Variants in SCP2 observed in about 807,000 individuals in gnomAD.
The protein encoded by SCP2 is SCP-2/3-oxoacyl-CoA thiolase.
In SCP2, 48 loss-of-function variants were observed where a neutral mutation model predicts 71.4. The observed-to-expected ratio is 0.67, with a 90% CI of 0.53 to 0.86. The LOEUF (loss-of-function observed/expected upper bound fraction) is 0.86. Ranked by LOEUF, SCP2 falls within the 40% of genes least tolerant of loss-of-function variation. SCP2 has a pLI of 0.00. For missense variants in SCP2, 560 were observed against 655.6 expected (o/e 0.85, Z 1.59); for synonymous variants, 220 against 218.1 (o/e 1.01, Z -0.08).
intron 11 of SCP2, among the ~76,000 whole-genome samples, chr1:53,013,974 C>A (rs1488188155): frequency 7.1e-5 from 10 of 141,626 alleles, no homozygotes; most frequent in Admixed American, 1.6e-4. Flanking sequence ...CAGCTCACTG[C>A]AAGCTCTGCC....
intron 11 of SCP2, among the ~76,000 whole-genome samples, chr1:53,010,542 A>G (rs1660920617): frequency 6.6e-6 from 1 of 151,982 alleles, no homozygotes. Flanking sequence ...AAAACCAAAC[A>G]CCACATGTTC....
chr1:52,951,030 T>G, intron 4 of SCP2, 144 bp downstream of exon 4: 1 of 927,276 alleles, frequency 1.1e-6, no homozygotes, highest in Admixed American at 1.8e-5. Flanking sequence ...CTTGTAACCC[T>G]AGCACTTTGG....
At chr1:53,049,580 T>C (rs1205841091) in intron 15 of SCP2, 1 of 152,230 alleles carries the variant, frequency 6.6e-6, no homozygotes, top group Non-Finnish European at 1.5e-5. Context: ...AGTGATTTTC[T>C]TTGTTAACTT....
intron 12 of SCP2, among the ~76,000 whole-genome samples, chr1:53,020,762 C>CT (rs1661660060): frequency 6.6e-6 from 1 of 152,144 alleles, no homozygotes. Context: ...TATGAGGTTT[C>CT]TTTGTTTGTC....
intron 1 of SCP2, among the ~76,000 whole-genome samples, chr1:52,939,470 C>T (rs1054316997): frequency 7.9e-5 from 12 of 152,102 alleles, no homozygotes; most frequent in Admixed American, 2.0e-4. Context: ...TGCTTGAGCC[C>T]GGGAAGTTGA....
rs1188555264 is a variant in SCP2, at chr1:53,051,244, C to T, written c.*540C>T. 1 of 152,008 alleles carries T rather than the reference C, an allele frequency of 6.6e-6. No individual in the cohort carries two copies. Among genetic ancestry groups the T allele is most frequent in the East Asian group, 1.9e-4 (1 of 5,198 alleles). The allele number at this position is 152,008 out of a possible 1,614,324, so 9.4% of individuals were successfully genotyped here. On this transcript the variant is annotated 3_prime_UTR_variant, in exon 16 of 16. Coordinates refer to ENST00000371514, the MANE Select transcript of SCP2 (RefSeq NM_002979.5). ...GCTATCAGAAACAGTATTTTCTTCCCAAATCAAAATAAAAGAAATATGATC... is the reference window on the plus strand; with the variant it reads ...GCTATCAGAAACAGTATTTTCTTCCTAAATCAAAATAAAAGAAATATGATC...
intron 11 of SCP2, among the ~76,000 whole-genome samples, chr1:53,000,092 C>A (rs1183471357): frequency 6.6e-6 from 1 of 151,856 alleles, no homozygotes; most frequent in African/African-American, 2.4e-5. Context: ...CAGGCGTGAG[C>A]TGTCACACCC....
chr1:52,981,691 C>T (rs1013666285), intron 10 of SCP2, among the ~76,000 whole-genome samples: 1 of 151,606 alleles, frequency 6.6e-6, no homozygotes, highest in African/African-American at 2.4e-5. Context: ...CTCAGCCTCC[C>T]AAAGTGCTGG....
rs193275449 is a variant in SCP2 at position 53,038,839 on chromosome 1, T to C, written c.1339-78T>C. ...GGCCCGTATACTCATATCATGTATCTATTTAAACATGAATTTGCTTGAGGA... is the reference window on the plus strand; with the variant it reads ...GGCCCGTATACTCATATCATGTATCCATTTAAACATGAATTTGCTTGAGGA... On this transcript the variant is annotated intron_variant, in intron 13 of 15. Coordinates refer to ENST00000371514, the MANE Select transcript of SCP2 (RefSeq NM_002979.5). The C allele has an allele frequency of 7.1e-6, 11 of 1,543,768 alleles. No individual in the cohort carries two copies. In the Admixed American group the frequency reaches 1.0e-4, roughly 14 times the overall value.
At chr1:52,962,862 GAC>G (rs1656599515) in intron 6 of SCP2, among the ~76,000 whole-genome samples, 1 of 151,304 alleles carries the variant, frequency 6.6e-6, no homozygotes, top group South Asian at 2.1e-4. Context: ...ACATATATCT[GAC>G]ACATACATAT....
At chr1:53,008,440 T>C (rs1660773001) in intron 11 of SCP2, among the ~76,000 whole-genome samples, 3 of 152,218 alleles carry the variant, frequency 2.0e-5, no homozygotes, top group Admixed American at 2.0e-4. Context: ...CACGATCAAG[T>C]TGGCTTCATC....
In SCP2 at chr1:52,964,438, G is replaced by T. The variant is rs1186283982; in HGVS notation, c.523+2809G>T. ...GATGGTCTCAATCTCCTGACCTCGT[G>T]ATCCGCCCAACTCAGCCTCCCAAAG... On this transcript the variant is annotated intron_variant, in intron 6 of 15. Transcript: ENST00000371514. Among the ~76,000 whole-genome samples the T allele has an allele frequency of 4.6e-5, 7 of 151,800 alleles. No homozygotes were observed. In the East Asian group the frequency reaches 1.4e-3, roughly 29 times the overall value.
chr1:52,941,402 G>C (rs1224762693), intron 1 of SCP2, among the ~76,000 whole-genome samples: 1 of 151,884 alleles, frequency 6.6e-6, no homozygotes, highest in African/African-American at 2.4e-5. Context: ...TTTTTTGTTT[G>C]AATGAGTAGT....
At chr1:53,037,530 G>T (rs60130096) in intron 13 of SCP2, among the ~76,000 whole-genome samples, 7 of 152,020 alleles carry the variant, frequency 4.6e-5, no homozygotes, top group African/African-American at 1.7e-4. Flanking sequence ...AAAAAAAAGA[G>T]GACGGGAGGG....
chr1:52,980,265 C>A, intron 9 of SCP2, 131 bp from the exon 10 acceptor site: 1 of 830,874 alleles, frequency 1.2e-6, no homozygotes, highest in South Asian at 1.8e-5. Flanking sequence ...TGAGCCAATG[C>A]ACCTGGGCAA....
intron 10 of SCP2, among the ~76,000 whole-genome samples, chr1:52,983,652 C>T (rs1658718975): frequency 6.6e-6 from 1 of 152,138 alleles, no homozygotes; most frequent in African/African-American, 2.4e-5. Context: ...TCTAAAATTT[C>T]CATTTGGTTC....
chr1:52,953,981 C>CAA (rs36122767), intron 4 of SCP2, among the ~76,000 whole-genome samples: 1 of 141,412 alleles, frequency 7.1e-6, no homozygotes, highest in Admixed American at 7.2e-5. Context: ...GACACTGTCT[C>CAA]AAAAAAAAAA....
intron 13 of SCP2, among the ~76,000 whole-genome samples, chr1:53,036,279 A>G (rs1662946616): frequency 6.7e-6 from 1 of 149,342 alleles, no homozygotes; most frequent in Admixed American, 6.7e-5. Context: ...TAACATATAT[A>G]TACTATATTT....
chr1:52,960,608 A>ATG (rs1401796814), intron 5 of SCP2, among the ~76,000 whole-genome samples: 5 of 142,660 alleles, frequency 3.5e-5, no homozygotes, highest in Non-Finnish European at 3.0e-5. Context: ...ATATGTATGT[A>ATG]TATATGTATA....
Sources: gnomAD v4.1 joint callset for allele counts (sites outside exome capture counted in the v4.1 genomes callset) on GRCh38, gnomAD v4.1.1 for gene constraint, MANE v1.5 for transcripts, NCBI Gene and HGNC (gene_info 2026-07-23, HGNC 2026-07-21) for gene names.